Variants in DNAH8 observed in about 807,000 individuals in gnomAD.
DNAH8 encodes axonemal beta dynein heavy chain 8.
Under a neutral mutation model 562.1 loss-of-function variants are expected in DNAH8, and 382 were observed. The ratio of observed to expected loss-of-function variants is 0.68; its 90% confidence interval spans 0.63 to 0.74. The LOEUF (loss-of-function observed/expected upper bound fraction) is 0.74. Among genes scored for constraint, DNAH8 ranks in the 30% least tolerant of loss-of-function variants. The pLI, the probability that DNAH8 is intolerant of heterozygous loss-of-function variation, is 0.00. For synonymous variants in DNAH8, 1,881 were observed against 1,919.4 expected (o/e 0.98, Z 0.52); for missense variants, 5,203 against 5,620.4 (o/e 0.93, Z 2.37).
At chr6:38,728,076 C>T (rs72858205) in intron 3 of DNAH8, among the ~76,000 whole-genome samples, 19,290 of 152,172 alleles carry the variant, frequency 0.13, 1,448 homozygotes, top group Admixed American at 0.23. Flanking sequence ...GGCCATCCTC[C>T]GACTTTAGCC....
chr6:38,740,979 T>C (rs1260523723), intron 7 of DNAH8, among the ~76,000 whole-genome samples: 1 of 152,248 alleles, frequency 6.6e-6, no homozygotes, highest in Admixed American at 6.5e-5. Flanking sequence ...TTTGGTTTTT[T>C]ATTTCCAATT....
intron 76 of DNAH8, 88 bp from the exon 77 acceptor site, chr6:38,935,504 A>T: frequency 1.1e-6 from 1 of 886,738 alleles, no homozygotes; most frequent in Non-Finnish European, 1.7e-6. Context: ...TTAAACTTTT[A>T]AAATTGTTAA....
rs545610122 is a variant in DNAH8 at position 38,834,498 on chromosome 6, A to T, written c.4303-81A>T. On this transcript the variant is annotated intron_variant, in intron 31 of 92. Transcript: ENST00000327475. ...ATTAAAAAAATGCTTGTTTACTTAA[A>T]TGGAAATAATAGATAAACCCAATAA... 5.9e-5 allele frequency: 56 copies of T among 944,210 alleles called. 2 individuals are homozygous for T. The South Asian group carries it at 9.6e-4, about 16-fold the overall frequency. The allele number at this position is 944,210 out of a possible 1,614,324, so 58.5% of individuals were successfully genotyped here.
chr6:38,828,987 T>C (rs552176708), intron 30 of DNAH8, among the ~76,000 whole-genome samples: 1 of 152,310 alleles, frequency 6.6e-6, no homozygotes, highest in South Asian at 2.1e-4. Flanking sequence ...TCATACAATA[T>C]ATGGTCTTTC....
intron 74 of DNAH8, among the ~76,000 whole-genome samples, chr6:38,927,389 T>C (rs560722855): frequency 8.5e-5 from 13 of 152,268 alleles, no homozygotes; most frequent in African/African-American, 3.1e-4. Flanking sequence ...CACACCTAAA[T>C]ACCCCACCTC....
intron 8 of DNAH8, among the ~76,000 whole-genome samples, chr6:38,748,905 T>C (rs1050082952): frequency 6.6e-6 from 1 of 152,070 alleles, no homozygotes; most frequent in African/African-American, 2.4e-5. Flanking sequence ...AGAATGATAT[T>C]ACTGATGCAA....
Position 38,935,605 on chromosome 6 carries a change from A to G in DNAH8, c.11471A>G (p.Glu3824Gly), listed in dbSNP as rs765005496. 1.9e-6 allele frequency: 3 copies of G among 1,612,246 alleles called. No individual in the cohort carries two copies. The South Asian group carries it at 3.3e-5, about 18-fold the overall frequency. ...ILTEKQELEA[E>G]RVKLLEDVTF... ...TTTTAATGACAGGAGTTAGAGGCTG[A>G]GAGGGTTAAACTTTTGGAGGATGTT... The change falls in exon 77 of 93, where the codon GAG becomes GGG. Residue 3824 changes from glutamate (E) to glycine (G), a missense_variant. This residue lies in a region of DNAH8 where 1,399 missense variants were observed against 1,518.4 expected (regional missense o/e 0.92). Coordinates refer to ENST00000327475, the MANE Select transcript of DNAH8 (RefSeq NM_001206927.2).
At chr6:38,748,787 A>T (rs538763605) in intron 8 of DNAH8, among the ~76,000 whole-genome samples, 5 of 148,492 alleles carry the variant, frequency 3.4e-5, no homozygotes, top group Non-Finnish European at 5.9e-5. Context: ...AATAATAATA[A>T]TAATATAACA....
intron 3 of DNAH8, among the ~76,000 whole-genome samples, chr6:38,726,724 G>C (rs1351348878): frequency 6.6e-6 from 1 of 152,138 alleles, no homozygotes; most frequent in East Asian, 1.9e-4. Flanking sequence ...AAAAGGCAAG[G>C]ATATATGATA....
rs16891439 is a variant in DNAH8, at chr6:39,017,741, G to A, written c.13714+5104G>A. Among the ~76,000 whole-genome samples the A allele has an allele frequency of 6.8e-3, 1,042 of 152,218 alleles. 35 individuals carry two copies. The East Asian group carries it at 0.093, about 14-fold the overall frequency. On this transcript the variant is annotated intron_variant, in intron 91 of 92. Coordinates refer to ENST00000327475, the MANE Select transcript of DNAH8 (RefSeq NM_001206927.2). ...GCAAATCAAGATTTTTCAGTTAGAG[G>A]CAATCCTGCTGGATCAAAGAGATGG...
chr6:38,832,279 A>G (rs759954531), intron 30 of DNAH8, 43 bp from the exon 31 acceptor site: 11 of 1,275,170 alleles, frequency 8.6e-6, no homozygotes, highest in African/African-American at 6.0e-5. Context: ...TGTTTTTAAT[A>G]TGTTACTTTC....
At chr6:38,805,416 C>A in intron 22 of DNAH8, 65 bp from the exon 23 acceptor site, 1 of 956,360 alleles carries the variant, frequency 1.0e-6, no homozygotes, top group Non-Finnish European at 1.7e-6. Context: ...AGGATTTGGC[C>A]ATGTAGAATA....
intron 26 of DNAH8, among the ~76,000 whole-genome samples, chr6:38,817,011 C>A (rs536474936): frequency 2.2e-4 from 33 of 152,224 alleles, no homozygotes; most frequent in Middle Eastern, 3.4e-3. Context: ...TATGTCACTT[C>A]CACTGTGATG....
At chr6:38,799,713 A>C (rs1042183696) in intron 21 of DNAH8, among the ~76,000 whole-genome samples, 1 of 142,222 alleles carries the variant, frequency 7.0e-6, no homozygotes, top group Non-Finnish European at 1.6e-5. Context: ...AATTTAGAAC[A>C]TCTTCATCAC....
chr6:38,715,956 A>ATTTTTTTTTTTTTTT (rs1562521493), intron 1 of DNAH8, among the ~76,000 whole-genome samples: 3 of 27,022 alleles, frequency 1.1e-4, no homozygotes, highest in African/African-American at 4.0e-4. Flanking sequence ...ATATATATAT[A>ATTTTTTTTTTTTTTT]TATATTTTTT....
At chr6:38,925,957 T>G in intron 73 of DNAH8, 98 bp from the exon 74 acceptor site, 1 of 1,166,342 alleles carries the variant, frequency 8.6e-7, no homozygotes, top group South Asian at 2.4e-5. Context: ...GAAAATAATG[T>G]CCACATTTTA....
At chr6:38,799,645 G>C (rs973634630) in intron 21 of DNAH8, among the ~76,000 whole-genome samples, 24 of 152,114 alleles carry the variant, frequency 1.6e-4, no homozygotes, top group African/African-American at 5.6e-4. Flanking sequence ...CCCATTTAAA[G>C]TGTACATCTC....
At chr6:38,821,658 G>T (rs1216832127) in intron 26 of DNAH8, among the ~76,000 whole-genome samples, 1 of 152,114 alleles carries the variant, frequency 6.6e-6, no homozygotes, top group Non-Finnish European at 1.5e-5. Flanking sequence ...CTGCCTTCTT[G>T]GCTGAAGCAA....
intron 84 of DNAH8, 111 bp downstream of exon 84, chr6:38,973,924 C>CCTG: frequency 1.4e-6 from 1 of 733,834 alleles, no homozygotes; most frequent in Non-Finnish European, 2.2e-6. Flanking sequence ...AGGGTCTGGA[C>CCTG]TGCAAGATCT....
Sources: allele counts gnomAD v4.1 joint callset (sites outside exome capture counted in the v4.1 genomes callset), GRCh38; gene constraint gnomAD v4.1.1; regional missense constraint gnomAD v4.1.1; transcripts MANE v1.5; gene names NCBI Gene and HGNC (gene_info 2026-07-23, HGNC 2026-07-21).